The following COL18A1 variants were observed in gnomAD, a reference collection of about 807,000 sequenced individuals.
COL18A1 encodes collagen type XVIII alpha 1 chain.
In COL18A1, 133 loss-of-function variants were observed where a neutral mutation model predicts 168.0. The ratio of observed to expected loss-of-function variants is 0.79; its 90% confidence interval spans 0.69 to 0.91. The LOEUF (loss-of-function observed/expected upper bound fraction) is 0.91, where lower values mean the gene tolerates loss of function less well. COL18A1 is among the 40% of genes least tolerant of loss of function. COL18A1 has a pLI of 0.00. For missense variants in COL18A1, 2,126 were observed against 1,925.4 expected (o/e 1.10, Z -1.95); for synonymous variants, 949 against 809.0 (o/e 1.17, Z -2.94).
rs2146155505 is a variant in COL18A1 at position 45,512,513 on chromosome 21, T to C, written c.*115T>C. ...CCAGGACCTGGCTGCCATACTTTCC[T>C]GTATAGTTCACGTTTCATGTAATCC... On this transcript the variant is annotated 3_prime_UTR_variant, in exon 42 of 42. Coordinates refer to ENST00000651438, the MANE Select transcript of COL18A1 (RefSeq NM_001379500.1). 1.1e-6 allele frequency: 1 copy of C among 913,812 alleles called. No individual in the cohort carries two copies. Among genetic ancestry groups the C allele is most frequent in the East Asian group, 2.6e-5 (1 of 38,224 alleles). 56.6% of individuals were successfully genotyped at this position (913,812 alleles called of 1,614,324 possible).
chr21:45,437,329 CACACTCAG>C (rs2034157441), intron 2 of COL18A1, among the ~76,000 whole-genome samples: 1 of 120,210 alleles, frequency 8.3e-6, no homozygotes, highest in African/African-American at 4.1e-5. Context: ...TGCACACACA[CACACTCAG>C]ACACACAGGC....
At chr21:45,501,002 G>T (rs1263528170) in intron 32 of COL18A1, among the ~76,000 whole-genome samples, 4 of 35,692 alleles carry the variant, frequency 1.1e-4, no homozygotes, top group Admixed American at 8.3e-4. Flanking sequence ...TTTGGTGTGT[G>T]TTGGGTGTGG....
chr21:45,434,122 G>GGTGCATGGGCCAGGTGTGTGAGCAT (rs2034037043), intron 2 of COL18A1, among the ~76,000 whole-genome samples: 2 of 151,918 alleles, frequency 1.3e-5, no homozygotes, highest in Non-Finnish European at 2.9e-5. Flanking sequence ...TGTGTGAGCA[G>GGTGCATGGGCCAGGTGTGTGAGCAT]ACACTTCCTG....
intron 2 of COL18A1, among the ~76,000 whole-genome samples, chr21:45,446,781 C>G (rs1213843993): frequency 6.6e-6 from 1 of 151,550 alleles, no homozygotes; most frequent in Non-Finnish European, 1.5e-5. Context: ...TAAAATCCAG[C>G]AACATATAAA....
chr21:45,510,685 GCCC>G (rs1191827502), intron 40 of COL18A1, among the ~76,000 whole-genome samples: 4 of 152,184 alleles, frequency 2.6e-5, no homozygotes, highest in African/African-American at 9.7e-5. Context: ...TTATTCTGTG[GCCC>G]CTTTTCGTGC....
chr21:45,504,465 AGCCC>A lies in COL18A1; in HGVS notation c.2779_2782del (p.Pro927GlyfsTer103). On this transcript the variant is annotated frameshift_variant, in exon 34 of 42. Transcript: ENST00000651438. LOFTEE classifies it high-confidence loss of function. The stretch of plus-strand genomic sequence containing the variant: ...GCAGGACAGAAAGGCGAAAGGGGGG[AGCCC>A]GGGGGCGGCGGTTTCTTCGGCTCCA... 2 of 1,609,826 alleles carry A rather than the reference AGCCC, an allele frequency of 1.2e-6. No individual in the cohort carries two copies. Among genetic ancestry groups the A allele is most frequent in the South Asian group, 1.1e-5 (1 of 90,894 alleles).
chr21:45,474,534 T>C (rs910883064), intron 4 of COL18A1, among the ~76,000 whole-genome samples: 10 of 152,000 alleles, frequency 6.6e-5, no homozygotes, highest in South Asian at 4.2e-4. Flanking sequence ...TGTCTGCATG[T>C]CTGCATGGTG....
In COL18A1 at chr21:45,497,641, T is replaced by C. The variant is rs373528509; in HGVS notation, c.2663T>C (p.Val888Ala). 7 of 1,569,376 alleles carry C rather than the reference T, an allele frequency of 4.5e-6. No homozygotes were observed. In the African/African-American group the frequency reaches 5.4e-5, roughly 12 times the overall value. The change falls in exon 32 of 42, where the codon GTG becomes GCG. Residue 888 changes from valine to alanine, a missense_variant. Transcript: ENST00000651438. Reference sequence around the variant, plus strand: ...GGACCCAAGGGCGCCAAAGGAGAAGTGGGCCCCCCCGGACCACCAGGTGAG... The same window carrying C: ...GGACCCAAGGGCGCCAAAGGAGAAGCGGGCCCCCCCGGACCACCAGGTGAG... ...PPGPKGAKGE[V>A]GPPGPPGQFP...
intron 2 of COL18A1, among the ~76,000 whole-genome samples, chr21:45,405,952 C>T (rs2033092625): frequency 6.6e-6 from 1 of 151,962 alleles, no homozygotes; most frequent in South Asian, 2.1e-4. Flanking sequence ...GCCTCTGTCC[C>T]CGCCGCCCTC....
chr21:45,483,091 C>G, intron 15 of COL18A1, among the ~76,000 whole-genome samples: 1 of 152,248 alleles, frequency 6.6e-6, no homozygotes. Context: ...GTAGACGCGC[C>G]CTGGAAGCTG....
chr21:45,433,386 G>A (rs2034016329), intron 2 of COL18A1, among the ~76,000 whole-genome samples: 1 of 152,218 alleles, frequency 6.6e-6, no homozygotes, highest in South Asian at 2.1e-4. Context: ...TGGAGCCCGG[G>A]AGCCTCTCTG....
intron 2 of COL18A1, among the ~76,000 whole-genome samples, chr21:45,465,150 T>A (rs1249945269): frequency 2.0e-5 from 3 of 152,242 alleles, no homozygotes; most frequent in Non-Finnish European, 2.9e-5. Flanking sequence ...GTATTTCTGC[T>A]TCTCTGTATA....
At position 45,512,268 on chromosome 21, in the gene COL18A1, A is replaced by T. The variant is rs1232275738; in HGVS notation, c.3890A>T (p.Glu1297Val). The T allele has an allele frequency of 2.5e-6, 4 of 1,611,586 alleles. No homozygotes were observed. Among genetic ancestry groups the T allele is most frequent in the African/African-American group, 1.3e-5 (1 of 74,854 alleles). ...TESYCETWRT[E>V]APSATGQASS... ...AGCTACTGTGAGACGTGGCGGACGG[A>T]GGCTCCCTCGGCCACGGGCCAGGCC... Residue 1297 changes from glutamate (E) to valine (V), a missense_variant, in exon 42 of 42, where the codon GAG becomes GTG. Transcript: ENST00000651438.
intron 2 of COL18A1, among the ~76,000 whole-genome samples, chr21:45,436,489 C>G (rs2034100003): frequency 6.6e-6 from 1 of 152,108 alleles, no homozygotes; most frequent in South Asian, 2.1e-4. Flanking sequence ...CCTGCTCTAT[C>G]TGGAAGGAGA....
At position 45,504,065 on chromosome 21, in the gene COL18A1, TC is replaced by T. The variant is rs1568939971; in HGVS notation, c.2727+14del. 2 of 1,613,498 alleles carry T rather than the reference TC, an allele frequency of 1.2e-6. No individual in the cohort carries two copies. Among genetic ancestry groups the T allele is most frequent in the Admixed American group, 1.7e-5 (1 of 60,024 alleles). ...GAGGCTGAAATGAAGGTGGGTGACC[TC>T]CCTGTGGGGTTGGGGGCCCCCAAGG... On this transcript the variant is annotated intron_variant, in intron 33 of 41. Transcript: ENST00000651438.
intron 2 of COL18A1, among the ~76,000 whole-genome samples, chr21:45,467,676 C>T (rs2035264688): frequency 6.6e-6 from 1 of 152,194 alleles, no homozygotes; most frequent in East Asian, 1.9e-4. Context: ...GGTCAGCCTC[C>T]CTCCTTCCCT....
rs2145857149 is a variant in COL18A1, at chr21:45,457,079, G to A, written c.107-11163G>A. Among the ~76,000 whole-genome samples, 1 of 152,266 alleles carries A rather than the reference G, an allele frequency of 6.6e-6. No individual in the cohort carries two copies. The highest frequency in any genetic ancestry group is 2.1e-4 in the South Asian group (1 of 4,828). Reference sequence around the variant, plus strand: ...GAGGCCGGCGTCTGGACAGGAAGAGGGCTGGATGAACCGCAGCCGATGTGT... The same window carrying A: ...GAGGCCGGCGTCTGGACAGGAAGAGAGCTGGATGAACCGCAGCCGATGTGT... On this transcript the variant is annotated intron_variant, in intron 2 of 41. Transcript: ENST00000651438. This position sits in a 1 kb window ranked among gnomAD's most constrained non-coding sequence, Gnocchi z 4.6.
At chr21:45,481,408 C>T (rs1043072071) in intron 13 of COL18A1, among the ~76,000 whole-genome samples, 2 of 152,214 alleles carry the variant, frequency 1.3e-5, no homozygotes, top group African/African-American at 2.4e-5. Context: ...GTAATTGGGT[C>T]ATGCTGCACT....
chr21:45,501,079 TTGGGTGTGGAGTGTGGGGGTGTG>T (rs1360209226), intron 32 of COL18A1, among the ~76,000 whole-genome samples: 1 of 98,762 alleles, frequency 1.0e-5, no homozygotes, highest in African/African-American at 4.1e-5. Context: ...TTGGTGTGTG[TTGGGTGTGGAGTGTGGGGGTGTG>T]GTTTGGTGTG....
Sources: allele counts gnomAD v4.1 joint callset (sites outside exome capture counted in the v4.1 genomes callset), GRCh38; gene constraint gnomAD v4.1.1; non-coding constraint Gnocchi (gnomAD v3.1); transcripts MANE v1.5; gene names NCBI Gene and HGNC (gene_info 2026-07-23, HGNC 2026-07-21).